The following TXNRD1 variants were observed in gnomAD, a reference collection of about 807,000 sequenced individuals.
The protein encoded by TXNRD1 is thioredoxin reductase 1.
Under a neutral mutation model 80.3 loss-of-function variants are expected in TXNRD1, and 57 were observed. The observed-to-expected ratio is 0.71, with a 90% CI of 0.57 to 0.89. The LOEUF (loss-of-function observed/expected upper bound fraction) is 0.89, where lower values mean the gene tolerates loss of function less well. TXNRD1 is among the 40% of genes least tolerant of loss of function. TXNRD1 has a pLI of 0.00. For missense variants in TXNRD1, 730 were observed against 803.0 expected (o/e 0.91, Z 1.10); for synonymous variants, 291 against 285.2 (o/e 1.02, Z -0.20).
chr12:104,249,770 C>T (rs571920867), intron 1 of TXNRD1, among the ~76,000 whole-genome samples: 42 of 151,782 alleles, frequency 2.8e-4, no homozygotes, highest in African/African-American at 9.7e-4. Flanking sequence ...CCCGTCTCTA[C>T]TAAAAATACA....
intron 2 of TXNRD1, among the ~76,000 whole-genome samples, chr12:104,253,638 CT>C (rs2033178281): frequency 6.6e-6 from 1 of 152,110 alleles, no homozygotes; most frequent in African/African-American, 2.4e-5. Context: ...CCGCCTGCCA[CT>C]TCCTTTTTTT....
chr12:104,265,663 G>C (rs1286504833), intron 3 of TXNRD1: 9 of 1,605,794 alleles, frequency 5.6e-6, no homozygotes, highest in Non-Finnish European at 6.8e-6. Context: ...CCGGCACCGC[G>C]CCCGAGCCCA....
chr12:104,319,801 C>A (rs1021257400), intron 9 of TXNRD1, among the ~76,000 whole-genome samples: 3 of 152,230 alleles, frequency 2.0e-5, no homozygotes, highest in Non-Finnish European at 2.9e-5. Flanking sequence ...CATTGGTCAT[C>A]TTGCTACACA....
intron 1 of TXNRD1, 134 bp downstream of exon 1, chr12:104,216,027 A>C: frequency 1.3e-6 from 1 of 742,028 alleles, no homozygotes; most frequent in Non-Finnish European, 2.1e-6. Flanking sequence ...ACCGCGCGCC[A>C]CGCTGGAGAC....
At chr12:104,326,631 A>G (rs1191306449) in intron 12 of TXNRD1, among the ~76,000 whole-genome samples, 1 of 150,892 alleles carries the variant, frequency 6.6e-6, no homozygotes, top group African/African-American at 2.4e-5. Flanking sequence ...ACACCTGGCT[A>G]ATTTTTGTAT....
chr12:104,320,608 C>G (rs1225882165), intron 9 of TXNRD1, among the ~76,000 whole-genome samples: 2 of 152,058 alleles, frequency 1.3e-5, no homozygotes, highest in Non-Finnish European at 2.9e-5. Flanking sequence ...TCAGGTTCTA[C>G]TCCTTATAGT....
intron 1 of TXNRD1, among the ~76,000 whole-genome samples, chr12:104,223,799 A>G (rs943443272): frequency 1.8e-4 from 27 of 152,204 alleles, no homozygotes; most frequent in African/African-American, 6.3e-4. Flanking sequence ...GGGAGCATGA[A>G]CTGCTGCATC....
chr12:104,293,318 G>T (rs373450869), intron 4 of TXNRD1, among the ~76,000 whole-genome samples: 2 of 152,178 alleles, frequency 1.3e-5, no homozygotes, highest in Non-Finnish European at 2.9e-5. Flanking sequence ...ACAACTCAGG[G>T]CTTAAATAAT....
intron 2 of TXNRD1, among the ~76,000 whole-genome samples, chr12:104,251,989 A>T (rs1008952789): frequency 2.0e-5 from 3 of 150,322 alleles, no homozygotes; most frequent in Non-Finnish European, 4.4e-5. Context: ...ACTTGAACCC[A>T]GGAGGCAGAG....
At chr12:104,321,054 T>G in intron 9 of TXNRD1, 37 bp from the exon 10 acceptor site, 1 of 1,433,630 alleles carries the variant, frequency 7.0e-7, no homozygotes, top group Non-Finnish European at 9.6e-7. Context: ...GGAACTTTCT[T>G]TTTCTTCTTT....
At chr12:104,338,311 T>C (rs1051393202) in intron 15 of TXNRD1, among the ~76,000 whole-genome samples, 3 of 151,918 alleles carry the variant, frequency 2.0e-5, no homozygotes, top group Admixed American at 6.6e-5. Context: ...TGTCTCTTTG[T>C]TCCTGTTTGA....
intron 1 of TXNRD1, among the ~76,000 whole-genome samples, chr12:104,225,527 G>A (rs2032454137): frequency 6.6e-6 from 1 of 152,096 alleles, no homozygotes; most frequent in East Asian, 1.9e-4. Flanking sequence ...CATGGGGGTG[G>A]TTTCTGCCAT....
intron 4 of TXNRD1, among the ~76,000 whole-genome samples, chr12:104,290,714 AATATACATATAT>A (rs1220314988): frequency 3.7e-4 from 18 of 49,154 alleles, no homozygotes; most frequent in African/African-American, 1.1e-3. Flanking sequence ...AAAAAAAAGA[AATATACATATAT>A]ATATATATAT....
intron 4 of TXNRD1, 101 bp downstream of exon 4, chr12:104,289,141 A>C (rs2034085362): frequency 1.4e-6 from 2 of 1,398,020 alleles, no homozygotes; most frequent in Non-Finnish European, 1.9e-6. Context: ...TGACCCTCCA[A>C]ACGGGACGCA....
intron 15 of TXNRD1, among the ~76,000 whole-genome samples, chr12:104,337,206 C>T (rs34748514): frequency 0.013 from 1,913 of 151,796 alleles, 55 homozygotes; most frequent in African/African-American, 0.044. Context: ...CCTATGGATA[C>T]GCTTTATTCA....
chr12:104,288,785 G>A (rs2034064563), intron 3 of TXNRD1, 146 bp from the exon 4 acceptor site: 4 of 1,554,918 alleles, frequency 2.6e-6, no homozygotes, highest in Non-Finnish European at 3.5e-6. Flanking sequence ...CAGAAATGCA[G>A]CAAGTCATGC....
chr12:104,287,344 G>C, intron 3 of TXNRD1: 2 of 1,614,050 alleles, frequency 1.2e-6, no homozygotes, highest in South Asian at 1.1e-5. Flanking sequence ...AGCATGTCAT[G>C]TGGTAGGTGA....
chr12:104,229,133 G>A (rs57072753), intron 1 of TXNRD1, among the ~76,000 whole-genome samples: 4,921 of 146,264 alleles, frequency 0.034, 273 homozygotes, highest in African/African-American at 0.12. Context: ...CCTATTCCGA[G>A]CATTACTTTT....
At chr12:104,330,989 T>C (rs907570042) in intron 13 of TXNRD1, among the ~76,000 whole-genome samples, 4 of 152,056 alleles carry the variant, frequency 2.6e-5, no homozygotes. Context: ...ACTATTACTA[T>C]GTTAGTATTG....
Sources: gnomAD v4.1 joint callset for allele counts (sites outside exome capture counted in the v4.1 genomes callset) on GRCh38, gnomAD v4.1.1 for gene constraint, MANE v1.5 for transcripts, NCBI Gene and HGNC (gene_info 2026-07-23, HGNC 2026-07-21) for gene names.